SLC9C2: variants seen among roughly 807,000 people sequenced by gnomAD.
The protein encoded by SLC9C2 is solute carrier family 9 member C2 (putative).
A neutral mutation model predicts 140.2 loss-of-function variants in SLC9C2; 75 were observed. The ratio of observed to expected loss-of-function variants is 0.53; its 90% confidence interval spans 0.44 to 0.65. The LOEUF is 0.65. Ranked by LOEUF, SLC9C2 falls within the 30% of genes least tolerant of loss-of-function variation. SLC9C2 has a pLI of 0.00. For missense variants in SLC9C2, 1,074 were observed against 1,331.8 expected (o/e 0.81, Z 3.01); for synonymous variants, 375 against 420.9 (o/e 0.89, Z 1.34).
At chr1:173,510,568 G>A (rs1347202778) in intron 23 of SLC9C2, among the ~76,000 whole-genome samples, 1 of 152,088 alleles carries the variant, frequency 6.6e-6, no homozygotes, top group Non-Finnish European at 1.5e-5. Flanking sequence ...TCCCACTTAT[G>A]AGTGAGAACA....
intron 18 of SLC9C2, among the ~76,000 whole-genome samples, chr1:173,528,005 G>A (rs1208405517): frequency 2.0e-5 from 3 of 152,084 alleles, no homozygotes; most frequent in African/African-American, 7.2e-5. Flanking sequence ...GCCCAGCCCT[G>A]CTTGCATAGG....
intron 27 of SLC9C2, among the ~76,000 whole-genome samples, chr1:173,501,785 G>C (rs763843173): frequency 4.6e-5 from 7 of 152,200 alleles, no homozygotes; most frequent in Admixed American, 6.5e-5. Flanking sequence ...TAGGAGGGCT[G>C]CCTAAAAAGA....
intron 2 of SLC9C2, 96 bp downstream of exon 2, chr1:173,601,553 GC>G: frequency 7.4e-7 from 1 of 1,358,770 alleles, no homozygotes; most frequent in Middle Eastern, 2.1e-4. Flanking sequence ...GTTTCAATGG[GC>G]CCCTTCTTTT....
chr1:173,552,702 C>G (rs1663401711), intron 11 of SLC9C2, among the ~76,000 whole-genome samples: 1 of 152,136 alleles, frequency 6.6e-6, no homozygotes. Context: ...AAAAAGATTC[C>G]TTTCAAAATA....
chr1:173,545,725 G>A (rs1020053918), intron 13 of SLC9C2, among the ~76,000 whole-genome samples: 1 of 152,266 alleles, frequency 6.6e-6, no homozygotes, highest in African/African-American at 2.4e-5. Flanking sequence ...TTTACATGTC[G>A]GAGGGGTAGA....
intron 23 of SLC9C2, among the ~76,000 whole-genome samples, chr1:173,512,859 A>C (rs187062345): frequency 1.3e-5 from 2 of 152,314 alleles, no homozygotes; most frequent in East Asian, 3.9e-4. Context: ...TTTTAACATG[A>C]AGGGATTTGA....
chr1:173,507,508 G>GCA (rs148480049), intron 24 of SLC9C2, among the ~76,000 whole-genome samples: 1,858 of 128,164 alleles, frequency 0.014, 25 homozygotes, highest in African/African-American at 0.039. Flanking sequence ...GTTGAATTGT[G>GCA]CACACACACA....
intron 17 of SLC9C2, among the ~76,000 whole-genome samples, chr1:173,531,112 C>T (rs1429722093): frequency 6.6e-6 from 1 of 152,112 alleles, no homozygotes; most frequent in Non-Finnish European, 1.5e-5. Context: ...CTATGAGCCA[C>T]CTAACTTTAC....
intron 20 of SLC9C2, among the ~76,000 whole-genome samples, chr1:173,524,445 A>T (rs1041561954): frequency 1.3e-5 from 2 of 152,202 alleles, no homozygotes; most frequent in East Asian, 1.9e-4. Flanking sequence ...AGCTTTCTAC[A>T]TCGCTGTTCA....
intron 9 of SLC9C2, among the ~76,000 whole-genome samples, chr1:173,564,968 CTTTTTTT>C (rs564120430): frequency 3.5e-5 from 4 of 113,620 alleles, no homozygotes; most frequent in African/African-American, 6.7e-5. Context: ...TTTTCTTTTT[CTTTTTTT>C]TTTTTTTTTT....
At chr1:173,544,175 AC>A (rs1356719640) in intron 13 of SLC9C2, among the ~76,000 whole-genome samples, 1 of 152,052 alleles carries the variant, frequency 6.6e-6, no homozygotes, top group Non-Finnish European at 1.5e-5. Flanking sequence ...AAATCAAACA[AC>A]CCCATCAAAA....
At chr1:173,597,482 A>T (rs748391130) in intron 4 of SLC9C2, among the ~76,000 whole-genome samples, 3 of 149,128 alleles carry the variant, frequency 2.0e-5, no homozygotes, top group Admixed American at 2.0e-4. Flanking sequence ...GAAATAAAAC[A>T]GTACAACAGG....
intron 11 of SLC9C2, among the ~76,000 whole-genome samples, 173 bp from the exon 12 acceptor site, chr1:173,548,725 G>A (rs901923199): frequency 2.6e-5 from 4 of 151,788 alleles, no homozygotes; most frequent in Non-Finnish European, 5.9e-5. Flanking sequence ...CCAACTATTT[G>A]TTTCTTTTTG....
At chr1:173,560,155 T>C (rs748008224) in intron 9 of SLC9C2, among the ~76,000 whole-genome samples, 3 of 152,250 alleles carry the variant, frequency 2.0e-5, no homozygotes, top group Non-Finnish European at 4.4e-5. Context: ...AATTTCATCA[T>C]AAAATCTTAA....
At chr1:173,578,411 G>A (rs147351614) in intron 7 of SLC9C2, among the ~76,000 whole-genome samples, 7 of 152,260 alleles carry the variant, frequency 4.6e-5, no homozygotes, top group African/African-American at 7.2e-5. Context: ...TTCGCTTTCC[G>A]GCTATGGAAC....
rs369198530 is a variant in SLC9C2, at chr1:173,534,476, A to C, written c.1974+8T>G. 2 of 1,555,880 alleles carry C rather than the reference A, an allele frequency of 1.3e-6. No individual in the cohort carries two copies. Among genetic ancestry groups the C allele is most frequent in the Non-Finnish European group, 1.7e-6 (2 of 1,157,068 alleles). The stretch of plus-strand genomic sequence containing the variant: ...TTTTATAGATTCTATTTCTATTTTA[A>C]ACAGTACCTTCAATGTTGATTCTAA... On this transcript the variant is annotated splice_region_variant and intron_variant, in intron 16 of 27. Transcript: ENST00000367714.
chr1:173,571,177 T>A (rs1463640783), intron 9 of SLC9C2, among the ~76,000 whole-genome samples: 1 of 152,222 alleles, frequency 6.6e-6, no homozygotes, highest in Non-Finnish European at 1.5e-5. Context: ...CCTGACTTTA[T>A]TCCCCTTCAC....
intron 23 of SLC9C2, among the ~76,000 whole-genome samples, chr1:173,510,781 T>C (rs1659987722): frequency 6.6e-6 from 1 of 152,192 alleles, no homozygotes; most frequent in African/African-American, 2.4e-5. Flanking sequence ...TTGTGAATAG[T>C]GTGGCAATAA....
At chr1:173,541,024 A>T (rs1324998617) in intron 13 of SLC9C2, among the ~76,000 whole-genome samples, 1 of 152,212 alleles carries the variant, frequency 6.6e-6, no homozygotes, top group African/African-American at 2.4e-5. Flanking sequence ...TTAAATGTAA[A>T]TGGGCTAAAT....
Sources: gnomAD v4.1 joint callset for allele counts (sites outside exome capture counted in the v4.1 genomes callset) on GRCh38, gnomAD v4.1.1 for gene constraint, MANE v1.5 for transcripts, NCBI Gene and HGNC (gene_info 2026-07-23, HGNC 2026-07-21) for gene names.